MATN2: variants seen among roughly 807,000 people sequenced by gnomAD.
The protein encoded by MATN2 is matrilin-2.
Under a neutral mutation model 103.2 loss-of-function variants are expected in MATN2, and 69 were observed. The observed-to-expected ratio is 0.67, with a 90% CI of 0.55 to 0.82. MATN2 has a LOEUF of 0.82. Ranked by LOEUF, MATN2 falls within the 40% of genes least tolerant of loss-of-function variation. The probability of loss-of-function intolerance (pLI) is 0.00; values close to 1 mark genes in which losing one functional copy is unlikely to be tolerated. For missense variants in MATN2, 1,023 were observed against 1,211.5 expected (o/e 0.84, Z 2.31); for synonymous variants, 429 against 450.2 (o/e 0.95, Z 0.60).
At chr8:97,999,880 T>TA (rs1563717588) in intron 7 of MATN2, among the ~76,000 whole-genome samples, 1 of 121,388 alleles carries the variant, frequency 8.2e-6, no homozygotes, top group Non-Finnish European at 1.8e-5. Context: ...TTTTTTTTTT[T>TA]AATTTTTTAA....
chr8:97,976,241 T>C (rs1057356792), intron 5 of MATN2, among the ~76,000 whole-genome samples: 1 of 152,132 alleles, frequency 6.6e-6, no homozygotes. Context: ...TCCGAGTAGC[T>C]GGGATTACAG....
At chr8:97,993,489 C>CA (rs536239679) in intron 6 of MATN2, among the ~76,000 whole-genome samples, 191 of 139,652 alleles carry the variant, frequency 1.4e-3, no homozygotes, top group African/African-American at 5.0e-3. Context: ...ACAAAAAATA[C>CA]AAAAAAAAGA....
At chr8:97,941,737 G>A in intron 3 of MATN2, 40 bp from the exon 4 acceptor site, 1 of 1,548,932 alleles carries the variant, frequency 6.5e-7, no homozygotes, top group Non-Finnish European at 8.7e-7. Flanking sequence ...GTGAGAAAGG[G>A]CATCACTGTT....
At chr8:97,934,370 G>A (rs2130157071) in intron 3 of MATN2, among the ~76,000 whole-genome samples, 1 of 152,322 alleles carries the variant, frequency 6.6e-6, no homozygotes, top group South Asian at 2.1e-4. Flanking sequence ...ACTGTGTTAT[G>A]TATTATTACA....
intron 3 of MATN2, among the ~76,000 whole-genome samples, chr8:97,939,297 T>C (rs1810477216): frequency 6.6e-6 from 1 of 152,188 alleles, no homozygotes; most frequent in African/African-American, 2.4e-5. Context: ...CATCGCAGCC[T>C]TTCTGCACTG....
chr8:97,902,904 G>A (rs982561866), intron 2 of MATN2, among the ~76,000 whole-genome samples: 10 of 152,184 alleles, frequency 6.6e-5, no homozygotes, highest in Non-Finnish European at 1.5e-4. Flanking sequence ...TCTTGTCTGT[G>A]GAGGAATGCC....
intron 2 of MATN2, among the ~76,000 whole-genome samples, chr8:97,910,252 G>A (rs1419839816): frequency 2.6e-5 from 4 of 151,940 alleles, no homozygotes; most frequent in African/African-American, 7.3e-5. Flanking sequence ...TGGTAGAGAC[G>A]GGGTTTTGCC....
chr8:97,894,799 C>T (rs1264471759), intron 2 of MATN2, among the ~76,000 whole-genome samples: 2 of 152,056 alleles, frequency 1.3e-5, no homozygotes, highest in African/African-American at 4.8e-5. Flanking sequence ...TTGTTGGCTG[C>T]CTGGAGAATT....
chr8:97,873,585 C>T lies in MATN2; in HGVS notation c.-27+4298C>T, dbSNP rs551530058. Among the ~76,000 whole-genome samples, 57 of 152,148 alleles carry T rather than the reference C, an allele frequency of 3.7e-4. No homozygotes were observed. The South Asian group carries it at 0.011, about 29-fold the overall frequency. Reference sequence around the variant, plus strand: ...GACCTCATGATCCACCTGACTCAGCCTCCCAAAGTGCTGAGTTTACAGGTG... The same window carrying T: ...GACCTCATGATCCACCTGACTCAGCTTCCCAAAGTGCTGAGTTTACAGGTG... On this transcript the variant is annotated intron_variant, in intron 1 of 18. Coordinates refer to ENST00000254898, the MANE Select transcript of MATN2 (RefSeq NM_002380.5).
At position 98,021,240 on chromosome 8, in the gene MATN2, G is replaced by A. The variant is rs758729757; in HGVS notation, c.1855G>A (p.Glu619Lys). 1.5e-5 allele frequency: 25 copies of A among 1,613,482 alleles called. No homozygotes were observed. Among genetic ancestry groups the A allele is most frequent in the South Asian group, 3.3e-5 (3 of 91,062 alleles). ...DVCKSTHHGC[E>K]HICVNNGNSY... ...CTGCAAATCAACCCACCATGGCTGC[G>A]AACACATTTGTGTTAATAATGGGAA... Residue 619 changes from glutamate to lysine, a missense_variant, in exon 13 of 19, where the codon GAA becomes AAA. Coordinates refer to ENST00000254898, the MANE Select transcript of MATN2 (RefSeq NM_002380.5).
chr8:97,919,379 C>A (rs1041435193), intron 2 of MATN2, among the ~76,000 whole-genome samples: 7 of 152,076 alleles, frequency 4.6e-5, no homozygotes, highest in African/African-American at 1.7e-4. Context: ...ATTACAGGTG[C>A]CCGCCACCAA....
At chr8:97,938,558 T>C (rs2060289846) in intron 3 of MATN2, among the ~76,000 whole-genome samples, 1 of 152,154 alleles carries the variant, frequency 6.6e-6, no homozygotes, top group South Asian at 2.1e-4. Flanking sequence ...ACCACCCAAA[T>C]GCTTACCAAT....
chr8:98,018,543 G>A (rs539816956), intron 12 of MATN2, among the ~76,000 whole-genome samples: 2 of 152,166 alleles, frequency 1.3e-5, no homozygotes, highest in African/African-American at 4.8e-5. Flanking sequence ...TCACACTGCC[G>A]ATAAAGACAT....
At chr8:97,934,074 G>A (rs1810295387) in intron 3 of MATN2, among the ~76,000 whole-genome samples, 1 of 152,144 alleles carries the variant, frequency 6.6e-6, no homozygotes, top group Non-Finnish European at 1.5e-5. Flanking sequence ...TCTGCATGTT[G>A]GGAATTACAA....
chr8:98,032,962 A>C, intron 16 of MATN2, 80 bp from the exon 17 acceptor site: 2 of 1,393,414 alleles, frequency 1.4e-6, no homozygotes, highest in Non-Finnish European at 9.6e-7. Context: ...TAGGAATACC[A>C]AGTACCTTAC....
At chr8:98,000,493 A>G (rs1812741815) in intron 7 of MATN2, among the ~76,000 whole-genome samples, 1 of 150,768 alleles carries the variant, frequency 6.6e-6, no homozygotes, top group Admixed American at 6.7e-5. Flanking sequence ...GCTACTCAGG[A>G]GGCTGAGGCA....
In MATN2 at chr8:97,931,295, C is replaced by A; in HGVS notation, c.485C>A (p.Pro162Gln). 1 of 1,613,912 alleles carries A rather than the reference C, an allele frequency of 6.2e-7. No homozygotes were observed. Among genetic ancestry groups the A allele is most frequent in the Non-Finnish European group, 8.5e-7 (1 of 1,179,864 alleles). Residue 162 changes from proline to glutamine, a missense_variant, in exon 3 of 19, where the codon CCA (proline) becomes CAA (glutamine). Physicochemically the swap from Pro to Gln is moderately conservative, Grantham distance 76. Transcript: ENST00000254898. The surrounding 1 kb of genome is among the most constrained non-coding windows in gnomAD (Gnocchi z 4.1). ...GCCCGGCCCCTGAGGGAGAATGTGC[C>A]ACGGGTCATAATGATCGTGACAGAT... ...EGARPLRENV[P>Q]RVIMIVTDGR...
intron 6 of MATN2, among the ~76,000 whole-genome samples, chr8:97,979,555 C>A (rs545680910): frequency 1.3e-5 from 2 of 148,654 alleles, no homozygotes; most frequent in Non-Finnish European, 3.0e-5. Flanking sequence ...ACATAAAATT[C>A]GATAAACTAA....
chr8:97,930,971 A>G lies in MATN2; in HGVS notation c.161A>G (p.Lys54Arg). 1 of 1,610,226 alleles carries G rather than the reference A, an allele frequency of 6.2e-7. No individual in the cohort carries two copies. Among genetic ancestry groups the G allele is most frequent in the Non-Finnish European group, 8.5e-7 (1 of 1,177,632 alleles). Residue 54 changes from lysine (K) to arginine (R), a missense_variant, in exon 3 of 19, where the codon AAG (lysine) becomes AGG (arginine). Coordinates refer to ENST00000254898, the MANE Select transcript of MATN2 (RefSeq NM_002380.5). ...TCCCCAGAGAGTTCCTGTGAGAACA[A>G]GCGGGCAGACCTGGTTTTCATCATT... ...TALLESSCEN[K>R]RADLVFIIDS...
Sources: gnomAD v4.1 joint callset for allele counts (sites outside exome capture counted in the v4.1 genomes callset) on GRCh38, gnomAD v4.1.1 for gene constraint, Gnocchi (gnomAD v3.1) non-coding constraint, MANE v1.5 for transcripts, NCBI Gene and HGNC (gene_info 2026-07-23, HGNC 2026-07-21) for gene names.